The following AKAP13 variants were observed in gnomAD, a reference collection of about 807,000 sequenced individuals.
The protein encoded by AKAP13 is A-kinase anchor protein 13.
Under a neutral mutation model 264.5 loss-of-function variants are expected in AKAP13, and 80 were observed. The observed-to-expected ratio is 0.30, with a 90% CI of 0.25 to 0.36. The LOEUF (loss-of-function observed/expected upper bound fraction) is 0.36. AKAP13 is among the 10% of genes least tolerant of loss of function. The pLI is 1.00. For synonymous variants in AKAP13, 1,380 were observed against 1,250.2 expected (o/e 1.10, Z -2.19); for missense variants, 3,712 against 3,435.2 (o/e 1.08, Z -2.01).
chr15:85,677,241 T>C (rs1401409686), intron 14 of AKAP13: 4 of 751,090 alleles, frequency 5.3e-6, no homozygotes, highest in Non-Finnish European at 6.5e-6. Flanking sequence ...GTCTTTATGC[T>C]TGCCTTTGAG....
Position 85,521,451 on chromosome 15 carries a change from G to C in AKAP13, c.57G>C (p.Leu19=), listed in dbSNP as rs1266796240. The C allele has an allele frequency of 1.9e-6, 3 of 1,613,978 alleles. No individual in the cohort carries two copies. The highest frequency in any genetic ancestry group is 2.5e-6 in the Non-Finnish European group (3 of 1,179,994). ...AGGGTGATTGTGTTGTTACAGTGCT[G>C]CTTGCTGAAGAGGACAAAGCTGAAG... ...PLYGDCVVTV[L]LAEEDKAEDD... is the part of the protein sequence containing the mutation. Residue 19 remains leucine, a synonymous_variant, in exon 3 of 37, where the codon CTG becomes CTC. Coordinates refer to ENST00000394518, the MANE Select transcript of AKAP13 (RefSeq NM_007200.5).
chr15:85,573,421 C>T (rs951349899), intron 5 of AKAP13, among the ~76,000 whole-genome samples: 1 of 152,082 alleles, frequency 6.6e-6, no homozygotes. Flanking sequence ...TGGGACGCGC[C>T]TGTAATCACA....
intron 8 of AKAP13, among the ~76,000 whole-genome samples, chr15:85,590,212 C>A (rs748450126): frequency 6.6e-6 from 1 of 152,124 alleles, no homozygotes; most frequent in Non-Finnish European, 1.5e-5. Flanking sequence ...GCTTTGCTAC[C>A]GGCTTCAAAA....
chr15:85,407,488 C>T (rs1347230086), intron 1 of AKAP13, among the ~76,000 whole-genome samples: 7 of 151,606 alleles, frequency 4.6e-5, no homozygotes, highest in Admixed American at 2.6e-4. Context: ...GATCTGTCTG[C>T]CTTGGCCTCC....
intron 14 of AKAP13, among the ~76,000 whole-genome samples, chr15:85,674,156 T>G (rs1459030707): frequency 6.6e-6 from 1 of 152,170 alleles, no homozygotes; most frequent in Non-Finnish European, 1.5e-5. Context: ...TTCATATGCT[T>G]CTTAATGAGA....
intron 1 of AKAP13, among the ~76,000 whole-genome samples, chr15:85,482,935 T>G (rs2075394332): frequency 6.6e-6 from 1 of 152,224 alleles, no homozygotes; most frequent in Non-Finnish European, 1.5e-5. Flanking sequence ...AGCATAACAA[T>G]GACCTGTCCC....
Position 85,579,461 on chromosome 15 carries a change from C to T in AKAP13, c.1393C>T (p.Leu465=). 6.2e-7 allele frequency: 1 copy of T among 1,614,164 alleles called. No individual in the cohort carries two copies. Among genetic ancestry groups the T allele is most frequent in the Non-Finnish European group, 8.5e-7 (1 of 1,180,026 alleles). The part of the protein sequence containing the change: ...GTAQYSSGGE[L]GGISTTNVST... ...AGCCCAGTATTCCTCTGGAGGTGAA[C>T]TGGGAGGCATTTCAACAACAAATGT... Residue 465 remains leucine, a synonymous_variant, in exon 7 of 37, where the codon CTG becomes TTG. Transcript: ENST00000394518.
intron 3 of AKAP13, among the ~76,000 whole-genome samples, chr15:85,529,161 G>A (rs181992163): frequency 6.6e-6 from 1 of 152,204 alleles, no homozygotes; most frequent in East Asian, 1.9e-4. Flanking sequence ...CACGGTGTAA[G>A]GTGTAATCCC....
chr15:85,585,853 A>C, intron 8 of AKAP13, 30 bp downstream of exon 8: 1 of 1,610,614 alleles, frequency 6.2e-7, no homozygotes, highest in East Asian at 2.2e-5. Flanking sequence ...CTATAAGGGC[A>C]CAAAATGTGT....
chr15:85,645,851 G>T lies in AKAP13; in HGVS notation c.4271G>T (p.Arg1424Ile). ...CENFLDVGLG[R>I]ECTSKQGVLK... is the part of the protein sequence containing the mutation. ...AACTTCCTGGATGTTGGACTGGGCAGAGAGTGTACCTCAAAACAAGGTGTA... is the reference window on the plus strand; with the variant it reads ...AACTTCCTGGATGTTGGACTGGGCATAGAGTGTACCTCAAAACAAGGTGTA... Residue 1424 changes from arginine (R) to isoleucine (I), a missense_variant, in exon 10 of 37, where the codon AGA (arginine) becomes ATA (isoleucine). Around this residue, in one of 3 missense-constraint regions of AKAP13, gnomAD observed 2,759 missense variants for 2,411.7 expected, o/e 1.14. Coordinates refer to ENST00000394518, the MANE Select transcript of AKAP13 (RefSeq NM_007200.5). 1 of 1,612,662 alleles carries T rather than the reference G, an allele frequency of 6.2e-7. No homozygotes were observed.
chr15:85,411,639 G>C (rs1018130043), intron 1 of AKAP13, among the ~76,000 whole-genome samples: 1 of 152,054 alleles, frequency 6.6e-6, no homozygotes, highest in African/African-American at 2.4e-5. Context: ...GGGTTTCACC[G>C]TGTTACCCAG....
rs185173623 is a variant in AKAP13 at position 85,666,112 on chromosome 15, C to T, written c.4992+1357C>T. Among the ~76,000 whole-genome samples, 760 of 152,338 alleles carry T rather than the reference C, an allele frequency of 5.0e-3. 5 individuals carry two copies. Among genetic ancestry groups the T allele is most frequent in the Non-Finnish European group, 8.1e-3 (549 of 68,028 alleles). ...TGAGGAATCGCCACACTGTCTTCCA[C>T]AATGGTTGAACTAGTTCACAGTCCC... On this transcript the variant is annotated intron_variant, in intron 13 of 36. Transcript: ENST00000394518.
rs763933239 is a variant in AKAP13 at position 85,735,056 on chromosome 15, C to A, written c.7347C>A (p.Ser2449Arg). ...LGGTLGPTVS[S>R]PIEQDVVGPV... is the part of the protein sequence containing the mutation. ...GCACACTTGGGCCGACTGTCAGCAG[C>A]CCCATTGAGCAAGATGTGGTCGGTC... is the stretch of plus-strand genomic sequence containing the variant. The change falls in exon 31 of 37, where the codon AGC becomes AGA. Residue 2449 changes from serine to arginine, a missense_variant. By Grantham distance (110) the Ser-to-Arg change is moderately radical. Coordinates refer to ENST00000394518, the MANE Select transcript of AKAP13 (RefSeq NM_007200.5). The A allele has an allele frequency of 2.0e-5, 33 of 1,614,106 alleles. No individual in the cohort carries two copies. Among genetic ancestry groups the A allele is most frequent in the Non-Finnish European group, 2.8e-5 (33 of 1,180,044 alleles).
intron 2 of AKAP13, among the ~76,000 whole-genome samples, chr15:85,516,780 C>T (rs541146209): frequency 1.3e-5 from 2 of 152,224 alleles, no homozygotes; most frequent in East Asian, 3.9e-4. Flanking sequence ...TGGTTGATTT[C>T]AGGTATCCAC....
At chr15:85,606,464 A>C (rs549995271) in intron 8 of AKAP13, among the ~76,000 whole-genome samples, 2 of 152,220 alleles carry the variant, frequency 1.3e-5, no homozygotes, top group East Asian at 3.9e-4. Context: ...AGATATGCAT[A>C]TTTATTTACA....
chr15:85,693,903 G>A (rs931374409), intron 17 of AKAP13, among the ~76,000 whole-genome samples: 2 of 152,176 alleles, frequency 1.3e-5, no homozygotes, highest in Non-Finnish European at 2.9e-5. Context: ...GATAGGCCAG[G>A]CTAAACTATG....
At chr15:85,653,364 G>A (rs1056554864) in intron 10 of AKAP13, among the ~76,000 whole-genome samples, 10 of 152,272 alleles carry the variant, frequency 6.6e-5, no homozygotes, top group East Asian at 1.9e-4. Context: ...TCATGCCTGC[G>A]TCCGTTGGAA....
chr15:85,627,429 G>A (rs1596781307), intron 8 of AKAP13: 1 of 152,200 alleles, frequency 6.6e-6, no homozygotes, highest in Non-Finnish European at 1.5e-5. Flanking sequence ...ACTACCTCTA[G>A]ACTAGACTAG....
chr15:85,744,532 C>T, intron 36 of AKAP13, 96 bp from the exon 37 acceptor site: 3 of 1,333,762 alleles, frequency 2.2e-6, no homozygotes, highest in Non-Finnish European at 2.2e-6. Flanking sequence ...CCCCAGTCGC[C>T]TGTTTGCATT....
Sources: gnomAD v4.1 joint callset for allele counts (sites outside exome capture counted in the v4.1 genomes callset) on GRCh38, gnomAD v4.1.1 for gene constraint, gnomAD v4.1.1 regional missense constraint, MANE v1.5 for transcripts, NCBI Gene and HGNC (gene_info 2026-07-23, HGNC 2026-07-21) for gene names.